Variants in THSD4 observed in about 807,000 individuals in gnomAD.
THSD4 encodes thrombospondin type 1 domain containing 4.
A neutral mutation model predicts 119.0 loss-of-function variants in THSD4; 69 were observed. The observed-to-expected ratio is 0.58, with a 90% confidence interval of 0.48 to 0.71. The LOEUF (loss-of-function observed/expected upper bound fraction) is 0.71, where lower values mean the gene tolerates loss of function less well. THSD4 is among the 30% of genes least tolerant of loss of function. The pLI is 0.00. For synonymous variants in THSD4, 524 were observed against 540.4 expected, an observed-to-expected ratio of 0.97 and a Z score of 0.42; for missense variants, 1,393 against 1,391.1, an observed-to-expected ratio of 1.00 and a Z score of -0.02.
intron 6 of THSD4, among the ~76,000 whole-genome samples, chr15:71,356,606 G>A (rs574597260): frequency 6.6e-6 from 1 of 152,226 alleles, no homozygotes; most frequent in South Asian, 2.1e-4. Context: ...GAAAGAGAAA[G>A]AGAGAGTGAA....
At chr15:71,746,810 C>T (rs1243752524) in intron 12 of THSD4, 28 bp from the exon 13 acceptor site, 2 of 1,609,678 alleles carry the variant, frequency 1.2e-6, no homozygotes, top group Admixed American at 1.7e-5. Flanking sequence ...GGTTGTCTCT[C>T]ACTCTCGCTC....
chr15:71,465,876 A>T (rs1489927572), intron 7 of THSD4, among the ~76,000 whole-genome samples: 1 of 152,188 alleles, frequency 6.6e-6, no homozygotes, highest in Non-Finnish European at 1.5e-5. Flanking sequence ...TGGCACTTCC[A>T]TGGGGGGTAG....
At chr15:71,720,517 C>CAT (rs1567117970) in intron 8 of THSD4, among the ~76,000 whole-genome samples, 3 of 152,334 alleles carry the variant, frequency 2.0e-5, no homozygotes, top group South Asian at 2.1e-4. Context: ...CACAGTCCTG[C>CAT]ATACTATTAT....
At chr15:71,510,721 C>T (rs528442477) in intron 7 of THSD4, among the ~76,000 whole-genome samples, 1 of 152,318 alleles carries the variant, frequency 6.6e-6, no homozygotes, top group African/African-American at 2.4e-5. Context: ...TCTCTACAGA[C>T]CTTAACTCAC....
At chr15:71,537,814 C>A (rs1358784949) in intron 7 of THSD4, among the ~76,000 whole-genome samples, 2 of 151,896 alleles carry the variant, frequency 1.3e-5, no homozygotes, top group African/African-American at 4.8e-5. Context: ...GGCTGGAGTG[C>A]AATCACAATC....
chr15:71,369,029 T>G (rs942970151), intron 6 of THSD4, among the ~76,000 whole-genome samples: 15 of 152,172 alleles, frequency 9.9e-5, no homozygotes, highest in African/African-American at 2.4e-5. Context: ...TCCTAGGTAT[T>G]TTATTCTTTT....
chr15:71,744,147 C>CTTT (rs56158827), intron 11 of THSD4, among the ~76,000 whole-genome samples: 8 of 102,742 alleles, frequency 7.8e-5, no homozygotes, highest in African/African-American at 1.4e-4. Context: ...ATTGAATCAG[C>CTTT]TTTTTTTTTT....
chr15:71,455,270 GCAC>G (rs2047322892), intron 7 of THSD4, among the ~76,000 whole-genome samples: 1 of 152,210 alleles, frequency 6.6e-6, no homozygotes. Flanking sequence ...TGCAGCAGCG[GCAC>G]CACAATGATG....
chr15:71,281,385 G>T (rs1358809451), intron 6 of THSD4, among the ~76,000 whole-genome samples: 1 of 152,218 alleles, frequency 6.6e-6, no homozygotes, highest in Non-Finnish European at 1.5e-5. Flanking sequence ...ACAGGAAAAC[G>T]CATATGGCTC....
intron 13 of THSD4, 48 bp downstream of exon 13, chr15:71,747,090 C>G (rs779546257): frequency 1.3e-6 from 2 of 1,537,876 alleles, no homozygotes; most frequent in South Asian, 2.4e-5. Flanking sequence ...CCAGCTCCCA[C>G]CACACTTTCC....
At chr15:71,283,101 C>T (rs529670632) in intron 6 of THSD4, among the ~76,000 whole-genome samples, 1 of 152,054 alleles carries the variant, frequency 6.6e-6, no homozygotes, top group South Asian at 2.1e-4. Context: ...TCCCGAGTAG[C>T]TGGGACTACA....
chr15:71,339,920 A>G (rs2045542548), intron 6 of THSD4, among the ~76,000 whole-genome samples: 1 of 152,020 alleles, frequency 6.6e-6, no homozygotes, highest in East Asian at 1.9e-4. Flanking sequence ...GCGTGCCACC[A>G]TGCCCGGCTA....
At chr15:71,586,267 C>T (rs941251136) in intron 7 of THSD4, among the ~76,000 whole-genome samples, 12 of 152,154 alleles carry the variant, frequency 7.9e-5, no homozygotes, top group Non-Finnish European at 1.6e-4. Flanking sequence ...TACTATCTTG[C>T]TGATGTCACA....
At chr15:71,110,562 A>ACGTCAAGC (rs2040295530), upstream of THSD4, 1 of 153,742 alleles carries the variant, frequency 6.5e-6, no homozygotes, top group Admixed American at 6.4e-5. Context: ...AACAGCCACT[A>ACGTCAAGC]CGTCAAGCTG....
chr15:71,463,219 G>A (rs2047450778), intron 7 of THSD4, among the ~76,000 whole-genome samples: 1 of 151,946 alleles, frequency 6.6e-6, no homozygotes, highest in African/African-American at 2.4e-5. Context: ...TCTTAATCTT[G>A]ACTTCATCAT....
chr15:71,301,344 AATTTTTCACATGATTTTTCCGTG>A (rs1242406480), intron 6 of THSD4, among the ~76,000 whole-genome samples: 6 of 152,198 alleles, frequency 3.9e-5, no homozygotes, highest in Non-Finnish European at 7.3e-5. Flanking sequence ...TTTTTCACAT[AATTTTTCACATGATTTTTCCGTG>A]ATTTTTCACG....
In THSD4 at chr15:71,703,725, G is replaced by A. The variant is rs116382441; in HGVS notation, c.1358-24824G>A. ...GGATGGAGATGGGTCTAATTCCTAG[G>A]GAGCCTCCTCAATTTCTTCCTTGTC... On this transcript the variant is annotated intron_variant, in intron 8 of 17. Coordinates refer to ENST00000261862, the MANE Select transcript of THSD4 (RefSeq NM_024817.3). Among the ~76,000 whole-genome samples the A allele has an allele frequency of 1.5e-3, 228 of 152,292 alleles. 1 individual carries two copies. The highest frequency in any genetic ancestry group is 3.8e-3 in the African/African-American group (159 of 41,574).
intron 6 of THSD4, among the ~76,000 whole-genome samples, chr15:71,384,146 G>A (rs1366140474): frequency 1.3e-5 from 2 of 152,192 alleles, no homozygotes; most frequent in South Asian, 2.1e-4. Context: ...TTGGGAGGCC[G>A]AGGCGGGCGG....
rs527614116 is a variant in THSD4 at position 71,508,330 on chromosome 15, T to C, written c.1152+96507T>C. Among the ~76,000 whole-genome samples, 30 of 152,334 alleles carry C rather than the reference T, an allele frequency of 2.0e-4. No homozygotes were observed. In the East Asian group the frequency reaches 5.2e-3, roughly 26 times the overall value. On this transcript the variant is annotated intron_variant, in intron 7 of 17. Coordinates refer to ENST00000261862, the MANE Select transcript of THSD4 (RefSeq NM_024817.3). ...CTAAGGGAATTCATCTTCTCCCTCA[T>C]GCCAGTTATAGTAACGGGCAGGGAA...
Sources: allele counts gnomAD v4.1 joint callset (sites outside exome capture counted in the v4.1 genomes callset), GRCh38; gene constraint gnomAD v4.1.1; transcripts MANE v1.5; gene names NCBI Gene and HGNC (gene_info 2026-07-23, HGNC 2026-07-21).